Variants in CIP2A observed in about 807,000 individuals in gnomAD.
CIP2A encodes cellular inhibitor of PP2A, also known as protein CIP2A.
Under a neutral mutation model 110.9 loss-of-function variants are expected in CIP2A, and 103 were observed. The ratio of observed to expected loss-of-function variants is 0.93; its 90% CI spans 0.79 to 1.09. CIP2A has a LOEUF of 1.09. CIP2A is among the 50% of genes least tolerant of loss of function. The pLI, the probability that CIP2A is intolerant of heterozygous loss-of-function variation, is 0.00. For missense variants in CIP2A, 1,088 were observed against 1,038.4 expected (o/e 1.05, Z -0.66); for synonymous variants, 381 against 361.6 (o/e 1.05, Z -0.61).
At position 108,560,630 on chromosome 3, in the gene CIP2A, T is replaced by C. The variant is rs1426832865; in HGVS notation, c.1827+19A>G. The C allele has an allele frequency of 3.9e-6, 6 of 1,519,786 alleles. No individual in the cohort carries two copies. In the African/African-American group the frequency reaches 8.3e-5, roughly 21 times the overall value. 94.1% of individuals were successfully genotyped at this position (1,519,786 alleles called of 1,614,324 possible). A position where few individuals can be genotyped will look rare whatever the true frequency, so the allele number is the denominator to read the frequency against. Reference sequence around the variant, plus strand: ...ATAGCTAATATGTACCAGGTTATAATTGCTATTTTTTCACTCACCACCATT... The same window carrying C: ...ATAGCTAATATGTACCAGGTTATAACTGCTATTTTTTCACTCACCACCATT... On this transcript the variant is annotated intron_variant, in intron 14 of 20. Coordinates refer to ENST00000295746, the MANE Select transcript of CIP2A (RefSeq NM_020890.3).
rs2083874379 is a variant in CIP2A at position 108,549,869 on chromosome 3, T to G, written c.*1280A>C. The G allele has an allele frequency of 6.6e-6, 1 of 152,074 alleles. No homozygotes were observed. 9.4% of individuals were successfully genotyped at this position (152,074 alleles called of 1,614,324 possible). On this transcript the variant is annotated 3_prime_UTR_variant, in exon 21 of 21. Coordinates refer to ENST00000295746, the MANE Select transcript of CIP2A (RefSeq NM_020890.3). ...TTTCTTTAACGTTTTGTCTCTTTTATTTTATAGACCCTTTTATTCTTCAGT... is the reference window on the plus strand; with the variant it reads ...TTTCTTTAACGTTTTGTCTCTTTTAGTTTATAGACCCTTTTATTCTTCAGT...
intron 16 of CIP2A, among the ~76,000 whole-genome samples, chr3:108,558,056 T>G (rs1051731579): frequency 5.3e-5 from 8 of 152,142 alleles, no homozygotes; most frequent in African/African-American, 1.9e-4. Flanking sequence ...GCTATTTTTA[T>G]AAGAACTTTT....
chr3:108,577,289 G>C (rs1367562789), intron 7 of CIP2A, among the ~76,000 whole-genome samples: 1 of 152,172 alleles, frequency 6.6e-6, no homozygotes, highest in East Asian at 1.9e-4. Flanking sequence ...TTTTAAAAGG[G>C]ATATCTGGTT....
At chr3:108,562,706 C>A (rs1293343890) in intron 13 of CIP2A, among the ~76,000 whole-genome samples, 2 of 152,078 alleles carry the variant, frequency 1.3e-5, no homozygotes, top group Admixed American at 1.3e-4. Context: ...ATTCTCCTAT[C>A]CCAACTAACT....
Position 108,560,686 on chromosome 3 carries a change from A to C in CIP2A, c.1790T>G (p.Ile597Ser). The part of the protein sequence containing the change: ...HLKDGVPGLN[I>S]EELIEKLQSG... ...CTGAAGTTTCTCTATTAATTCTTCAATATTCAATCCAGGAACACCATCTTT... is the reference window on the plus strand; with the variant it reads ...CTGAAGTTTCTCTATTAATTCTTCACTATTCAATCCAGGAACACCATCTTT... Residue 597 changes from isoleucine to serine, a missense_variant, in exon 14 of 21, where the codon ATT becomes AGT. Transcript: ENST00000295746. 6.2e-7 allele frequency: 1 copy of C among 1,609,718 alleles called. No individual in the cohort carries two copies. Among genetic ancestry groups the C allele is most frequent in the Non-Finnish European group, 8.5e-7 (1 of 1,178,228 alleles).
chr3:108,575,199 A>C (rs1266592275), intron 8 of CIP2A: 1 of 152,100 alleles, frequency 6.6e-6, no homozygotes, highest in Non-Finnish European at 1.5e-5. Flanking sequence ...GAACCAAAGA[A>C]AGTCTAGATA....
intron 5 of CIP2A, among the ~76,000 whole-genome samples, chr3:108,580,738 CCT>C (rs1030047700): frequency 3.3e-5 from 5 of 152,044 alleles, no homozygotes; most frequent in Middle Eastern, 3.2e-3. Flanking sequence ...AAGCAATTCC[CCT>C]GCCTCAGCTT....
intron 18 of CIP2A, 123 bp from the exon 19 acceptor site, chr3:108,553,853 C>T: frequency 3.0e-6 from 1 of 336,990 alleles, no homozygotes; most frequent in South Asian, 4.4e-5. Context: ...GAGATCGAGA[C>T]CATCCTGGCT....
chr3:108,551,084 C>T lies in CIP2A; in HGVS notation c.*65G>A. ...TCACAAATTAACTCCCCTACCCACC[C>T]CCCCTCCAATAGATAAATACATCAA... is the stretch of plus-strand genomic sequence containing the variant. On this transcript the variant is annotated 3_prime_UTR_variant, in exon 21 of 21. Coordinates refer to ENST00000295746, the MANE Select transcript of CIP2A (RefSeq NM_020890.3). The T allele has an allele frequency of 1.7e-6, 1 of 578,574 alleles. No individual in the cohort carries two copies. 35.8% of individuals were successfully genotyped at this position (578,574 alleles called of 1,614,324 possible).
chr3:108,557,336 C>T lies in CIP2A; in HGVS notation c.2092G>A (p.Val698Ile). The T allele has an allele frequency of 6.2e-7, 1 of 1,612,670 alleles. No individual in the cohort carries two copies. The highest frequency in any genetic ancestry group is 2.2e-5 in the East Asian group (1 of 44,828). ...ELSVLLKAQQ[V>I]ESERAQSDIE... ...TCACTCTGCGCTCTTTCTGATTCAA[C>T]TTGCTGCGCCTTCAGCAACACACTA... The change falls in exon 17 of 21, where the codon GTT becomes ATT. Residue 698 changes from valine to isoleucine, a missense_variant. Coordinates refer to ENST00000295746, the MANE Select transcript of CIP2A (RefSeq NM_020890.3).
intron 7 of CIP2A, among the ~76,000 whole-genome samples, 186 bp downstream of exon 7, chr3:108,579,095 G>C (rs527948287): frequency 6.6e-6 from 1 of 152,204 alleles, no homozygotes; most frequent in South Asian, 2.1e-4. Context: ...ACAATGACCT[G>C]TTATACTTTC....
intron 8 of CIP2A, among the ~76,000 whole-genome samples, chr3:108,575,463 T>A (rs1938559107): frequency 6.7e-6 from 1 of 150,030 alleles, no homozygotes; most frequent in Non-Finnish European, 1.5e-5. Context: ...CATGTATACA[T>A]GTGAGTATAT....
At chr3:108,555,971 A>G (rs1937789120) in intron 17 of CIP2A, among the ~76,000 whole-genome samples, 1 of 151,948 alleles carries the variant, frequency 6.6e-6, no homozygotes, top group African/African-American at 2.4e-5. Flanking sequence ...TTTTTCTATC[A>G]CTGCAAACCT....
chr3:108,576,543 T>C (rs550696558), intron 7 of CIP2A, among the ~76,000 whole-genome samples, 197 bp from the exon 8 acceptor site: 2 of 152,346 alleles, frequency 1.3e-5, no homozygotes, highest in Admixed American at 6.5e-5. Context: ...ATAAATTGGC[T>C]GTGTCATTTA....
At chr3:108,570,743 G>A (rs1275954866) in intron 8 of CIP2A, among the ~76,000 whole-genome samples, 1 of 152,084 alleles carries the variant, frequency 6.6e-6, no homozygotes, top group African/African-American at 2.4e-5. Context: ...TAAAGGCCTA[G>A]GACATTACTG....
intron 1 of CIP2A, among the ~76,000 whole-genome samples, chr3:108,586,695 G>A (rs1021452553): frequency 6.6e-6 from 1 of 152,064 alleles, no homozygotes; most frequent in Non-Finnish European, 1.5e-5. Context: ...AGTAAACTGA[G>A]GTACACACTG....
In CIP2A at chr3:108,569,452, T is replaced by G; in HGVS notation, c.1050A>C (p.Gln350His). Residue 350 changes from glutamine to histidine, a missense_variant, in exon 9 of 21, where the codon CAA (glutamine) becomes CAC (histidine). By Grantham distance (24) the Gln-to-His change is conservative. Transcript: ENST00000295746. ...PTVALLRWLS[Q>H]PLDGSENCSV... ...AACAGTTTTCTGATCCGTCCAAAGGTTGGCTTAACCAGCGCAGTAGAGCCA... is the reference window on the plus strand; with the variant it reads ...AACAGTTTTCTGATCCGTCCAAAGGGTGGCTTAACCAGCGCAGTAGAGCCA... 6.2e-7 allele frequency: 1 copy of G among 1,612,770 alleles called. No homozygotes were observed. The highest frequency in any genetic ancestry group is 8.5e-7 in the Non-Finnish European group (1 of 1,179,272).
intron 13 of CIP2A, among the ~76,000 whole-genome samples, chr3:108,562,330 T>C (rs1395837453): frequency 6.6e-6 from 1 of 152,096 alleles, no homozygotes; most frequent in Non-Finnish European, 1.5e-5. Context: ...GAAAGCAACA[T>C]AGACAGAGTA....
At chr3:108,580,436 AACACACACACACACACACACACAC>A (rs375166090) in intron 5 of CIP2A, among the ~76,000 whole-genome samples, 2 of 142,162 alleles carry the variant, frequency 1.4e-5, no homozygotes, top group African/African-American at 5.2e-5. Context: ...CAGAAATTGA[AACACACACACACACACACACACAC>A]ACACACACAC....
Sources: gnomAD v4.1 joint callset for allele counts (sites outside exome capture counted in the v4.1 genomes callset) on GRCh38, gnomAD v4.1.1 for gene constraint, MANE v1.5 for transcripts, NCBI Gene and HGNC (gene_info 2026-07-23, HGNC 2026-07-21) for gene names.